Variants in FSTL4 observed in about 807,000 individuals in gnomAD.
FSTL4 encodes follistatin-related protein 4.
In FSTL4, 28 loss-of-function variants were observed where a neutral mutation model predicts 78.2. That is an observed-to-expected ratio of 0.36 (90% CI 0.27 to 0.49). The LOEUF (loss-of-function observed/expected upper bound fraction) is 0.49. Ranked by LOEUF, FSTL4 falls within the 20% of genes least tolerant of loss-of-function variation. The pLI is 0.98. For synonymous variants in FSTL4, 422 were observed against 440.5 expected (o/e 0.96, Z 0.53); for missense variants, 922 against 1,084.9 (o/e 0.85, Z 2.11).
chr5:133,350,081 A>AC (rs968840607), intron 4 of FSTL4, among the ~76,000 whole-genome samples: 6 of 143,082 alleles, frequency 4.2e-5, no homozygotes, highest in Non-Finnish European at 9.0e-5. Context: ...ATGCGACTGT[A>AC]AAGGACCCAT....
chr5:133,599,134 C>T (rs1390997321), intron 2 of FSTL4, among the ~76,000 whole-genome samples: 2 of 152,134 alleles, frequency 1.3e-5, no homozygotes, highest in African/African-American at 4.8e-5. Flanking sequence ...AGCGTTAAGA[C>T]AATGAATACA....
the FSTL4 span, among the ~76,000 whole-genome samples, chr5:133,709,578 G>A: frequency 6.6e-6 from 1 of 152,260 alleles, no homozygotes; most frequent in Non-Finnish European, 1.5e-5. Flanking sequence ...CCACTCTGCA[G>A]CATTTCAGAG....
At chr5:133,564,749 A>T (rs26363) in intron 3 of FSTL4, among the ~76,000 whole-genome samples, 118,359 of 152,130 alleles carry the variant, frequency 0.78, 46,188 homozygotes, top group Admixed American at 0.82. Context: ...AAAGCTAGAC[A>T]GCATGACATC....
the FSTL4 span, among the ~76,000 whole-genome samples, chr5:133,657,095 T>C: frequency 1.3e-5 from 2 of 152,150 alleles, no homozygotes; most frequent in African/African-American, 4.8e-5. Flanking sequence ...TTGGTAAGTC[T>C]GAGATGCCTA....
At chr5:133,548,475 G>A (rs1293350931) in intron 3 of FSTL4, among the ~76,000 whole-genome samples, 2 of 151,968 alleles carry the variant, frequency 1.3e-5, no homozygotes, top group Admixed American at 6.6e-5. Flanking sequence ...CTAGGAATAA[G>A]GCCTATACAT....
chr5:133,703,850 G>A, the FSTL4 span, among the ~76,000 whole-genome samples: 1 of 152,192 alleles, frequency 6.6e-6, no homozygotes, highest in Non-Finnish European at 1.5e-5. Flanking sequence ...CTCCAGGGCC[G>A]AGCAAGGGAT....
chr5:133,609,106 T>C (rs1748295520), intron 1 of FSTL4, among the ~76,000 whole-genome samples: 1 of 152,180 alleles, frequency 6.6e-6, no homozygotes, highest in Admixed American at 6.5e-5. Context: ...AGACTAGCCA[T>C]TAAGGATTAG....
chr5:133,495,826 C>G (rs1758357149), intron 3 of FSTL4, among the ~76,000 whole-genome samples: 1 of 152,148 alleles, frequency 6.6e-6, no homozygotes, highest in Non-Finnish European at 1.5e-5. Context: ...ATCTAAATGT[C>G]CATAGGCCAT....
the FSTL4 span, among the ~76,000 whole-genome samples, chr5:133,692,469 G>C: frequency 6.6e-6 from 1 of 152,188 alleles, no homozygotes; most frequent in African/African-American, 2.4e-5. Context: ...AGTAAGGTAA[G>C]ACACAGTAAG....
At chr5:133,444,490 C>T (rs934867999) in intron 3 of FSTL4, among the ~76,000 whole-genome samples, 3 of 152,246 alleles carry the variant, frequency 2.0e-5, no homozygotes, top group Non-Finnish European at 4.4e-5. Context: ...TAACTCTGTT[C>T]CATGCAGGGT....
chr5:133,456,446 C>T (rs1478716779), intron 3 of FSTL4, among the ~76,000 whole-genome samples: 1 of 152,206 alleles, frequency 6.6e-6, no homozygotes, highest in East Asian at 1.9e-4. Context: ...TGGTCACCCT[C>T]CCCTTTCTTC....
intron 3 of FSTL4, among the ~76,000 whole-genome samples, chr5:133,487,520 C>A (rs1387287397): frequency 6.6e-6 from 1 of 152,180 alleles, no homozygotes; most frequent in Admixed American, 6.5e-5. Flanking sequence ...GAGCTCCTGC[C>A]TCTGAGCCTC....
At chr5:133,231,564 A>G (rs1413637162) in intron 8 of FSTL4, among the ~76,000 whole-genome samples, 2 of 152,144 alleles carry the variant, frequency 1.3e-5, no homozygotes, top group Non-Finnish European at 2.9e-5. Flanking sequence ...TTTCTTTGAG[A>G]TAGAGTCTCC....
the FSTL4 span, among the ~76,000 whole-genome samples, chr5:133,656,149 C>A: frequency 6.6e-6 from 1 of 152,122 alleles, no homozygotes; most frequent in Admixed American, 6.6e-5. Flanking sequence ...AGAGGTACAT[C>A]TCAGGAGGCC....
chr5:133,647,053 A>G, the FSTL4 span, among the ~76,000 whole-genome samples: 9 of 152,152 alleles, frequency 5.9e-5, no homozygotes, highest in African/African-American at 1.9e-4. Context: ...GGTCTTCTAA[A>G]GGCAATGTTT....
intron 13 of FSTL4, among the ~76,000 whole-genome samples, chr5:133,211,718 G>T (rs137997005): frequency 7.9e-5 from 12 of 151,954 alleles, no homozygotes; most frequent in Non-Finnish European, 1.3e-4. Context: ...CTTACCTCAC[G>T]TGGCCTCCCG....
chr5:133,215,204 AT>A (rs2126778904), intron 13 of FSTL4, among the ~76,000 whole-genome samples: 1 of 152,094 alleles, frequency 6.6e-6, no homozygotes, highest in East Asian at 1.9e-4. Context: ...ATTTTTTCCT[AT>A]CTTTCAGGTT....
At chr5:133,488,465 G>A (rs1279392759) in intron 3 of FSTL4, among the ~76,000 whole-genome samples, 3 of 152,124 alleles carry the variant, frequency 2.0e-5, no homozygotes, top group African/African-American at 7.2e-5. Flanking sequence ...TGTTGGCCAG[G>A]CTGGTTTCTA....
At chr5:133,647,319 T>C in the FSTL4 span, among the ~76,000 whole-genome samples, 1 of 152,164 alleles carries the variant, frequency 6.6e-6, no homozygotes, top group African/African-American at 2.4e-5. Flanking sequence ...CCTCAGTATA[T>C]TGAGTTCCGT....
Sources: allele counts gnomAD v4.1 joint callset (sites outside exome capture counted in the v4.1 genomes callset), GRCh38; gene constraint gnomAD v4.1.1; transcripts MANE v1.5; gene names NCBI Gene and HGNC (gene_info 2026-07-23, HGNC 2026-07-21).